The following MATN1 variants were observed in gnomAD, a reference collection of about 807,000 sequenced individuals.
MATN1 encodes the protein matrilin-1.
Under a neutral mutation model 41.3 loss-of-function variants are expected in MATN1, and 34 were observed. The observed-to-expected ratio is 0.82, with a 90% CI of 0.63 to 1.10. The LOEUF (loss-of-function observed/expected upper bound fraction) is 1.10. MATN1 is among the 50% of genes least tolerant of loss of function. MATN1 has a pLI of 0.00. For synonymous variants in MATN1, 264 were observed against 278.7 expected (o/e 0.95, Z 0.53); for missense variants, 602 against 662.4 (o/e 0.91, Z 1.00).
rs200282143 is a variant in MATN1, at chr1:30,712,357, T to A, written c.*1225A>T. ...CATGGGGCCAGGAGTCTTTCTCTTG[T>A]GCAGTCTCTGAGGTGGGGCTGCTGC... On this transcript the variant is annotated 3_prime_UTR_variant, in exon 8 of 8. Transcript: ENST00000373765. 1 of 152,290 alleles carries A rather than the reference T, an allele frequency of 6.6e-6. No homozygotes were observed. Among genetic ancestry groups the A allele is most frequent in the Admixed American group, 6.5e-5 (1 of 15,272 alleles). The allele number at this position is 152,290 out of a possible 1,614,324, so 9.4% of individuals were successfully genotyped here.
At chr1:30,721,154 G>C in intron 2 of MATN1, 1 of 520,006 alleles carries the variant, frequency 1.9e-6, no homozygotes, top group Non-Finnish European at 3.4e-6. Context: ...GGGAACCAAG[G>C]TCAACTAAAC....
chr1:30,716,510 T>C (rs1321314433), intron 4 of MATN1, among the ~76,000 whole-genome samples, 185 bp from the exon 5 acceptor site: 1 of 152,224 alleles, frequency 6.6e-6, no homozygotes, highest in East Asian at 1.9e-4. Flanking sequence ...GAAACTCCAA[T>C]AGCTGTGAGA....
In MATN1 at chr1:30,723,576, C is replaced by T. The variant is rs151028371; in HGVS notation, c.-25G>A. On this transcript the variant is annotated 5_prime_UTR_variant, in exon 1 of 8. Coordinates refer to ENST00000373765, the MANE Select transcript of MATN1 (RefSeq NM_002379.3). The stretch of plus-strand genomic sequence containing the variant: ...TAGTTCTGGCAGCACGGGCAGCAGC[C>T]GGCACGGTTGTGGGACCAGTGGGGT... 1.2e-4 allele frequency: 185 copies of T among 1,520,762 alleles called. No individual in the cohort carries two copies. In the African/African-American group the frequency reaches 2.3e-3, roughly 19 times the overall value. The allele number at this position is 1,520,762 out of a possible 1,614,324, so 94.2% of individuals were successfully genotyped here.
At chr1:30,719,456 C>G (rs1042776249) in intron 2 of MATN1, 1 of 156,234 alleles carries the variant, frequency 6.4e-6, no homozygotes, top group Admixed American at 6.5e-5. Flanking sequence ...GTCCTTGTCC[C>G]GGTAAGACCG....
Position 30,715,977 on chromosome 1 carries a change from C to A in MATN1, c.1139G>T (p.Gly380Val). 1.9e-6 allele frequency: 3 copies of A among 1,614,214 alleles called. No homozygotes were observed. Among genetic ancestry groups the A allele is most frequent in the Non-Finnish European group, 2.5e-6 (3 of 1,180,028 alleles). Residue 380 changes from glycine to valine, a missense_variant, in exon 5 of 8, where the codon GGC becomes GTC. Transcript: ENST00000373765. ...SGARPGAQKV[G>V]IVFTDGRSQD... ...GCTCCGGCCATCAGTGAAGACAATG[C>A]CCACCTTCTGGGCCCCGGGCCTAGC...
chr1:30,718,096 C>G (rs1639643318), intron 3 of MATN1, among the ~76,000 whole-genome samples: 1 of 152,204 alleles, frequency 6.6e-6, no homozygotes, highest in South Asian at 2.1e-4. Context: ...CACCCCCAAT[C>G]CACCTAAGCC....
At position 30,713,500 on chromosome 1, in the gene MATN1, G is replaced by A. The variant is rs2124150221; in HGVS notation, c.*82C>T. 7.0e-6 allele frequency: 10 copies of A among 1,418,690 alleles called. No homozygotes were observed. Among genetic ancestry groups the A allele is most frequent in the Non-Finnish European group, 9.7e-6 (10 of 1,026,072 alleles). The allele number at this position is 1,418,690 out of a possible 1,614,324, so 87.9% of individuals were successfully genotyped here. A position where few individuals can be genotyped will look rare whatever the true frequency, so the allele number is the denominator to read the frequency against. On this transcript the variant is annotated 3_prime_UTR_variant, in exon 8 of 8. Coordinates refer to ENST00000373765, the MANE Select transcript of MATN1 (RefSeq NM_002379.3). ...CAGACACACCCCCTCCCACCCCCGG[G>A]CTGGCTTCCCTCACTAAAATGGTAA...
At position 30,713,262 on chromosome 1, in the gene MATN1, T is replaced by G; in HGVS notation, c.*320A>C. On this transcript the variant is annotated 3_prime_UTR_variant, in exon 8 of 8. Coordinates refer to ENST00000373765, the MANE Select transcript of MATN1 (RefSeq NM_002379.3). ...AAGGGTTAACTAAAAAAGATGGGAA[T>G]ATATTAAGCTTTTGATTATAAAAAT... 1 of 347,702 alleles carries G rather than the reference T, an allele frequency of 2.9e-6. No individual in the cohort carries two copies. The allele number at this position is 347,702 out of a possible 1,614,324, so 21.5% of individuals were successfully genotyped here.
intron 2 of MATN1, chr1:30,721,140 G>T: frequency 4.1e-6 from 2 of 486,692 alleles, no homozygotes; most frequent in Non-Finnish European, 7.4e-6. Context: ...GGCTCAGACT[G>T]GTCGGGAACC....
At position 30,715,275 on chromosome 1, in the gene MATN1, G is replaced by A. The variant is rs763489844; in HGVS notation, c.1242C>T (p.Ala414=). ...CTATTTCCCTCAGCTCATCCTCCAC[G>A]GCATTGCCCACACCCACAGCAAACA... ...FKMFAVGVGN[A]VEDELREIAS... Residue 414 remains alanine, a synonymous_variant, in exon 6 of 8, where the codon GCC becomes GCT. Transcript: ENST00000373765. The A allele has an allele frequency of 5.6e-5, 91 of 1,614,060 alleles. No individual in the cohort carries two copies. Among genetic ancestry groups the A allele is most frequent in the Middle Eastern group, 1.6e-4 (1 of 6,084 alleles).
chr1:30,715,442 G>T (rs1297948790), intron 5 of MATN1, 133 bp from the exon 6 acceptor site: 1 of 770,144 alleles, frequency 1.3e-6, no homozygotes, highest in Non-Finnish European at 2.1e-6. Context: ...CAAGCACAAT[G>T]CCTGGAACAA....
rs1444256536 is a variant in MATN1 at position 30,718,815 on chromosome 1, G to A, written c.584C>T (p.Pro195Leu). 1 of 1,609,874 alleles carries A rather than the reference G, an allele frequency of 6.2e-7. No individual in the cohort carries two copies. The highest frequency in any genetic ancestry group is 8.5e-7 in the Non-Finnish European group (1 of 1,178,760). ...KATLRQIASE[P>L]QDEHVDYVES... ...CACGTAATCGACGTGTTCGTCCTGC[G>A]GCTCGCTGGCGATCTGCCGCAGCGT... The change falls in exon 3 of 8, where the codon CCG (proline) becomes CTG (leucine). Residue 195 changes from proline (P) to leucine (L), a missense_variant. Pro to Leu is a moderately conservative substitution (Grantham distance 98). Coordinates refer to ENST00000373765, the MANE Select transcript of MATN1 (RefSeq NM_002379.3).
intron 2 of MATN1, 69 bp from the exon 3 acceptor site, chr1:30,719,026 G>A: frequency 3.4e-6 from 4 of 1,174,824 alleles, no homozygotes; most frequent in Non-Finnish European, 4.5e-6. Flanking sequence ...AGAGGAGGCT[G>A]AGGCCCGGAG....
At position 30,715,514 on chromosome 1, in the gene MATN1, C is replaced by T. The variant is rs1016057387; in HGVS notation, c.1208-205G>A. Among the ~76,000 whole-genome samples the T allele has an allele frequency of 3.3e-5, 5 of 152,322 alleles. No individual in the cohort carries two copies. The South Asian group carries it at 1.0e-3, about 32-fold the overall frequency. On this transcript the variant is annotated intron_variant, in intron 5 of 7. Coordinates refer to ENST00000373765, the MANE Select transcript of MATN1 (RefSeq NM_002379.3). ...TCTGTGTCAGACCCTATAGTGACTTCCTGTACTGGAAGCTTTGTACAGCAA... is the reference window on the plus strand; with the variant it reads ...TCTGTGTCAGACCCTATAGTGACTTTCTGTACTGGAAGCTTTGTACAGCAA...
Position 30,713,630 on chromosome 1 carries a change from C to A in MATN1, c.1443G>T (p.Leu481=). ...EGLLQALTRK[L]EAVSKRLAIL... ...TGGCCAGCCGCTTACTCACAGCTTCCAGTGGACTCAGAGTTAAGGAGAGGT... is the reference window on the plus strand; with the variant it reads ...TGGCCAGCCGCTTACTCACAGCTTCAAGTGGACTCAGAGTTAAGGAGAGGT... The change falls in exon 8 of 8, where the codon CTG becomes CTT. Residue 481 remains leucine (L), a splice_region_variant and synonymous_variant. Transcript: ENST00000373765. The A allele has an allele frequency of 6.4e-7, 1 of 1,553,152 alleles. No individual in the cohort carries two copies. The highest frequency in any genetic ancestry group is 2.4e-5 in the East Asian group (1 of 41,262).
At chr1:30,715,341 A>G (rs1219149349) in intron 5 of MATN1, 32 bp from the exon 6 acceptor site, 1 of 1,610,950 alleles carries the variant, frequency 6.2e-7, no homozygotes, top group Non-Finnish European at 8.5e-7. Flanking sequence ...GTAAGGCTGG[A>G]CATGGGGATG....
Position 30,723,584 on chromosome 1 carries a change from T to C in MATN1, c.-33A>G. 1 of 1,501,010 alleles carries C rather than the reference T, an allele frequency of 6.7e-7. No homozygotes were observed. The highest frequency in any genetic ancestry group is 1.2e-5 in the South Asian group (1 of 80,446). 93.0% of individuals were successfully genotyped at this position (1,501,010 alleles called of 1,614,324 possible). A position where few individuals can be genotyped will look rare whatever the true frequency, so the allele number is the denominator to read the frequency against. ...GCAGCACGGGCAGCAGCCGGCACGG[T>C]TGTGGGACCAGTGGGGTCCAGGTCT... On this transcript the variant is annotated 5_prime_UTR_variant, in exon 1 of 8. Coordinates refer to ENST00000373765, the MANE Select transcript of MATN1 (RefSeq NM_002379.3).
At chr1:30,718,302 T>C (rs1639648955) in intron 3 of MATN1, among the ~76,000 whole-genome samples, 1 of 150,394 alleles carries the variant, frequency 6.6e-6, no homozygotes. Flanking sequence ...TCTCTGCGCC[T>C]GCCACGGCCT....
In MATN1 at chr1:30,718,886, G is replaced by T. The variant is rs747694790; in HGVS notation, c.513C>A (p.Ser171Arg). The T allele has an allele frequency of 2.5e-6, 4 of 1,592,084 alleles. No individual in the cohort carries two copies. The highest frequency in any genetic ancestry group is 2.3e-5 in the East Asian group (1 of 44,096). The change falls in exon 3 of 8, where the codon AGC (serine) becomes AGA (arginine). Residue 171 changes from serine (S) to arginine (R), a missense_variant. By Grantham distance (110) the Ser-to-Arg change is moderately radical. Transcript: ENST00000373765. ...VQDVSARARA[S>R]GVELFAIGVG... is the part of the protein sequence containing the mutation. ...CTCCGATGGCGAACAGCTCGACGCC[G>T]CTGGCCCGGGCCCGCGCAGACACGT...
Sources: gnomAD v4.1 joint callset for allele counts (sites outside exome capture counted in the v4.1 genomes callset) on GRCh38, gnomAD v4.1.1 for gene constraint, MANE v1.5 for transcripts, NCBI Gene and HGNC (gene_info 2026-07-23, HGNC 2026-07-21) for gene names.